Variants in RASGRF2 observed in about 807,000 individuals in gnomAD.
RASGRF2 encodes the protein Ras protein specific guanine nucleotide releasing factor 2, also known as ras-specific guanine nucleotide-releasing factor 2.
A neutral mutation model predicts 151.0 loss-of-function variants in RASGRF2; 76 were observed. The ratio of observed to expected loss-of-function variants is 0.50; its 90% CI spans 0.42 to 0.61. RASGRF2 has a LOEUF of 0.61. Ranked by LOEUF, RASGRF2 falls within the 20% of genes least tolerant of loss-of-function variation. RASGRF2 has a pLI of 0.00. For missense variants in RASGRF2, 1,148 were observed against 1,564.6 expected (o/e 0.73, Z 4.49); for synonymous variants, 504 against 566.5 (o/e 0.89, Z 1.57).
intron 17 of RASGRF2, among the ~76,000 whole-genome samples, chr5:81,132,122 CT>C (rs1753637923): frequency 6.6e-6 from 1 of 152,142 alleles, no homozygotes; most frequent in East Asian, 1.9e-4. Flanking sequence ...ATTTATCTTG[CT>C]TTATTATCCA....
intron 1 of RASGRF2, among the ~76,000 whole-genome samples, chr5:81,000,439 C>T (rs1749043023): frequency 6.6e-6 from 1 of 152,152 alleles, no homozygotes; most frequent in Non-Finnish European, 1.5e-5. Flanking sequence ...GACGGGGTTT[C>T]ACCATGTTGG....
chr5:81,116,954 G>C (rs2112553769), intron 15 of RASGRF2, among the ~76,000 whole-genome samples: 1 of 152,290 alleles, frequency 6.6e-6, no homozygotes, highest in South Asian at 2.1e-4. Context: ...TAGACATTTT[G>C]GTTGCTTCCA....
intron 17 of RASGRF2, among the ~76,000 whole-genome samples, chr5:81,137,334 G>A (rs1203308881): frequency 6.6e-6 from 1 of 152,204 alleles, no homozygotes; most frequent in Non-Finnish European, 1.5e-5. Flanking sequence ...TAAATGCATT[G>A]TTGACTTACA....
At chr5:81,035,119 C>T (rs1300052071) in intron 1 of RASGRF2, among the ~76,000 whole-genome samples, 1 of 152,016 alleles carries the variant, frequency 6.6e-6, no homozygotes, top group Non-Finnish European at 1.5e-5. Context: ...TGTGTATATA[C>T]CCAAAGGATT....
chr5:81,222,245 A>G (rs1755871395), intron 26 of RASGRF2, among the ~76,000 whole-genome samples: 1 of 152,194 alleles, frequency 6.6e-6, no homozygotes, highest in South Asian at 2.1e-4. Flanking sequence ...ATTAAGCTAA[A>G]TATACTGATG....
At chr5:81,200,231 A>G (rs1448960417) in intron 18 of RASGRF2, among the ~76,000 whole-genome samples, 5 of 151,604 alleles carry the variant, frequency 3.3e-5, no homozygotes, top group Admixed American at 1.3e-4. Context: ...TGATCACACC[A>G]CTGCACTCCA....
chr5:81,035,369 A>G (rs1750447769), intron 1 of RASGRF2, among the ~76,000 whole-genome samples: 1 of 152,210 alleles, frequency 6.6e-6, no homozygotes, highest in African/African-American at 2.4e-5. Context: ...AGGACAGAAA[A>G]TCAAACACCA....
At chr5:81,214,471 T>G (rs1310645775) in intron 23 of RASGRF2, among the ~76,000 whole-genome samples, 1 of 151,972 alleles carries the variant, frequency 6.6e-6, no homozygotes, top group African/African-American at 2.4e-5. Flanking sequence ...AGCCGGGGAG[T>G]TGTTCAGCAG....
chr5:81,095,625 C>G (rs1250153525), intron 12 of RASGRF2, among the ~76,000 whole-genome samples: 3 of 152,132 alleles, frequency 2.0e-5, no homozygotes, highest in African/African-American at 7.2e-5. Context: ...TGAATTTTGG[C>G]TCTGTAGGGG....
intron 1 of RASGRF2, among the ~76,000 whole-genome samples, chr5:81,029,027 A>T (rs1275697045): frequency 6.6e-6 from 1 of 152,246 alleles, no homozygotes; most frequent in East Asian, 1.9e-4. Flanking sequence ...GGAGGGTCCC[A>T]TGCCCACGGA....
chr5:81,073,161 T>C (rs1751830238), intron 4 of RASGRF2, 38 bp from the exon 5 acceptor site: 1 of 1,586,298 alleles, frequency 6.3e-7, no homozygotes, highest in African/African-American at 1.3e-5. Context: ...ATCACCATTG[T>C]AACTAGTCAG....
chr5:81,113,450 T>A, intron 14 of RASGRF2, 88 bp from the exon 15 acceptor site: 1 of 1,415,158 alleles, frequency 7.1e-7, no homozygotes, highest in Non-Finnish European at 9.7e-7. Context: ...TTGTGACCTA[T>A]AAATGAAGGG....
intron 1 of RASGRF2, among the ~76,000 whole-genome samples, chr5:81,029,399 G>T (rs866955674): frequency 3.9e-5 from 6 of 152,228 alleles, no homozygotes; most frequent in Non-Finnish European, 8.8e-5. Flanking sequence ...ACATCTCCCA[G>T]TAGGGGCTGA....
chr5:81,124,600 A>G (rs941365359), intron 16 of RASGRF2, among the ~76,000 whole-genome samples: 1 of 152,214 alleles, frequency 6.6e-6, no homozygotes. Context: ...AGTGGCAGAA[A>G]CTGGCATATG....
At chr5:81,061,061 T>C (rs1332956140) in intron 2 of RASGRF2, among the ~76,000 whole-genome samples, 1 of 152,178 alleles carries the variant, frequency 6.6e-6, no homozygotes, top group Non-Finnish European at 1.5e-5. Context: ...TTTTTTTCTG[T>C]TTATTTATCA....
At chr5:81,089,346 G>GTGTGTGCATGCGTGCA (rs1475411290) in intron 9 of RASGRF2, among the ~76,000 whole-genome samples, 1 of 152,132 alleles carries the variant, frequency 6.6e-6, no homozygotes, top group Non-Finnish European at 1.5e-5. Context: ...GCGTGTGTGT[G>GTGTGTGCATGCGTGCA]TGTGTGCATG....
At chr5:81,015,265 C>G (rs976992938) in intron 1 of RASGRF2, among the ~76,000 whole-genome samples, 1 of 152,068 alleles carries the variant, frequency 6.6e-6, no homozygotes, top group Non-Finnish European at 1.5e-5. Flanking sequence ...GATTTATAAT[C>G]CTTTGGGTAT....
intron 13 of RASGRF2, among the ~76,000 whole-genome samples, chr5:81,111,438 G>A (rs1023512182): frequency 2.6e-5 from 4 of 152,158 alleles, no homozygotes; most frequent in African/African-American, 9.7e-5. Flanking sequence ...ATTGCAGGAT[G>A]GCAGTGGTAG....
chr5:80,969,360 T>C (rs1747831481), intron 1 of RASGRF2, among the ~76,000 whole-genome samples: 1 of 150,768 alleles, frequency 6.6e-6, no homozygotes, highest in African/African-American at 2.5e-5. Context: ...GGTCTCGAAC[T>C]CCTGACCTTG....
Sources: gnomAD v4.1 joint callset for allele counts (sites outside exome capture counted in the v4.1 genomes callset) on GRCh38, gnomAD v4.1.1 for gene constraint, MANE v1.5 for transcripts, NCBI Gene and HGNC (gene_info 2026-07-23, HGNC 2026-07-21) for gene names.